Variants in ERBB4 observed in about 807,000 individuals in gnomAD.
ERBB4 encodes erb-b2 receptor tyrosine kinase 4.
ERBB4 carries 42 observed loss-of-function variants against 158.0 expected under a neutral mutation model. The ratio of observed to expected loss-of-function variants is 0.27; its 90% CI spans 0.21 to 0.34. The LOEUF (loss-of-function observed/expected upper bound fraction) is 0.34. Ranked by LOEUF, ERBB4 falls within the 10% of genes least tolerant of loss-of-function variation. The pLI is 1.00. For synonymous variants in ERBB4, 583 were observed against 558.7 expected (o/e 1.04, Z -0.61); for missense variants, 1,333 against 1,624.1 (o/e 0.82, Z 3.08).
At chr2:212,060,221 A>T (rs1292707531) in intron 2 of ERBB4, among the ~76,000 whole-genome samples, 1 of 152,184 alleles carries the variant, frequency 6.6e-6, no homozygotes, top group East Asian at 1.9e-4. Context: ...GCTCATCATG[A>T]CTGGCCATCA....
chr2:211,718,178 T>C (rs764283800), intron 7 of ERBB4, among the ~76,000 whole-genome samples: 3 of 152,060 alleles, frequency 2.0e-5, no homozygotes, highest in Non-Finnish European at 4.4e-5. Flanking sequence ...TTCCAAAGTG[T>C]TGGGATTACA....
chr2:211,416,813 C>CT lies in ERBB4; in HGVS notation c.3135+3627dup, dbSNP rs60021795. ...AATGAGGGCATAGATGAAGCCTTCC[C>CT]TTTTTTTTTTTTTTTTTAACCCTAC... On this transcript the variant is annotated intron_variant, in intron 25 of 27. Transcript: ENST00000342788. 5.7e-3 allele frequency among the ~76,000 whole-genome samples: 813 copies of CT among 142,124 alleles called. 4 individuals carry two copies. Among genetic ancestry groups the CT allele is most frequent in the East Asian group, 0.013 (65 of 4,868 alleles). 93.2% of individuals were successfully genotyped at this position (142,124 alleles called of 152,430 possible).
intron 1 of ERBB4, among the ~76,000 whole-genome samples, chr2:212,512,277 T>TA (rs1318587422): frequency 6.6e-6 from 1 of 152,002 alleles, no homozygotes; most frequent in Non-Finnish European, 1.5e-5. Flanking sequence ...ACTCTTTATA[T>TA]AAGTACTTAA....
At chr2:212,167,603 G>A (rs2081386891) in intron 1 of ERBB4, among the ~76,000 whole-genome samples, 1 of 151,990 alleles carries the variant, frequency 6.6e-6, no homozygotes, top group Admixed American at 6.6e-5. Context: ...TATACCCAAA[G>A]GATTATAAAT....
chr2:211,601,151 G>T (rs1459411794), intron 19 of ERBB4, among the ~76,000 whole-genome samples: 1 of 152,014 alleles, frequency 6.6e-6, no homozygotes, highest in Non-Finnish European at 1.5e-5. Flanking sequence ...AAAGAAAAAT[G>T]ATGACAAGAA....
chr2:211,677,531 C>T (rs1388549180), intron 13 of ERBB4, among the ~76,000 whole-genome samples: 1 of 149,336 alleles, frequency 6.7e-6, no homozygotes, highest in Non-Finnish European at 1.5e-5. Context: ...CCATTGCACT[C>T]CAGCCTGGGC....
At chr2:211,949,131 G>GATGA (rs2080800084) in intron 2 of ERBB4, among the ~76,000 whole-genome samples, 4 of 151,922 alleles carry the variant, frequency 2.6e-5, no homozygotes. Flanking sequence ...TACCTCTTAC[G>GATGA]TCATCCATGG....
chr2:211,485,355 C>T (rs573921138), intron 20 of ERBB4, among the ~76,000 whole-genome samples: 64 of 152,206 alleles, frequency 4.2e-4, no homozygotes, highest in African/African-American at 1.5e-3. Flanking sequence ...CTGTCATTAA[C>T]CTTGTTCGTT....
chr2:212,383,738 G>C (rs934190253), intron 1 of ERBB4, among the ~76,000 whole-genome samples: 2 of 151,612 alleles, frequency 1.3e-5, no homozygotes, highest in Non-Finnish European at 3.0e-5. Context: ...TAGTAGTTGG[G>C]AAGCACAATT....
chr2:212,361,926 A>C (rs890883693), intron 1 of ERBB4, among the ~76,000 whole-genome samples: 9 of 151,690 alleles, frequency 5.9e-5, no homozygotes, highest in Non-Finnish European at 5.9e-5. Context: ...ATTTTAATAG[A>C]CAATATAATA....
Position 211,804,417 on chromosome 2 carries a change from T to C in ERBB4, c.422-16258A>G, listed in dbSNP as rs142302831. On this transcript the variant is annotated intron_variant, in intron 3 of 27. Coordinates refer to ENST00000342788, the MANE Select transcript of ERBB4 (RefSeq NM_005235.3). ...AATTTTCAACCTGCTTATTTCATAATGCTGAATGGTCTTCTACTTGTTCTT... is the reference window on the plus strand; with the variant it reads ...AATTTTCAACCTGCTTATTTCATAACGCTGAATGGTCTTCTACTTGTTCTT... 5.6e-4 allele frequency among the ~76,000 whole-genome samples: 86 copies of C among 152,304 alleles called. No homozygotes were observed. The Middle Eastern group carries it at 0.01, about 18-fold the overall frequency.
At chr2:212,524,957 C>A (rs1034667334) in intron 1 of ERBB4, among the ~76,000 whole-genome samples, 5 of 151,968 alleles carry the variant, frequency 3.3e-5, no homozygotes, top group Non-Finnish European at 7.4e-5. Flanking sequence ...CATTGTGCCA[C>A]GTATTAACTC....
chr2:211,558,105 C>T (rs2067288045), intron 20 of ERBB4, among the ~76,000 whole-genome samples: 1 of 152,080 alleles, frequency 6.6e-6, no homozygotes, highest in Non-Finnish European at 1.5e-5. Flanking sequence ...CTAGGGCCTA[C>T]CTTAGGGTGA....
chr2:212,350,287 G>T (rs1560086627), intron 1 of ERBB4, among the ~76,000 whole-genome samples: 1 of 152,038 alleles, frequency 6.6e-6, no homozygotes, highest in Non-Finnish European at 1.5e-5. Flanking sequence ...AAGAATTTGG[G>T]CTAAGACCTT....
intron 2 of ERBB4, among the ~76,000 whole-genome samples, chr2:212,093,918 T>A (rs1399102331): frequency 6.6e-6 from 1 of 152,160 alleles, no homozygotes; most frequent in African/African-American, 2.4e-5. Flanking sequence ...GTTATCACGC[T>A]GTTACTGAAT....
chr2:212,405,406 C>CT (rs1386213621), intron 1 of ERBB4, among the ~76,000 whole-genome samples: 1 of 152,028 alleles, frequency 6.6e-6, no homozygotes, highest in Non-Finnish European at 1.5e-5. Flanking sequence ...ACTAGTTCAA[C>CT]TATGTGGAAA....
At chr2:212,366,365 G>T (rs2089889728) in intron 1 of ERBB4, among the ~76,000 whole-genome samples, 1 of 151,932 alleles carries the variant, frequency 6.6e-6, no homozygotes, top group Admixed American at 6.6e-5. Context: ...TCATTGGACT[G>T]CTTACACATC....
At chr2:211,962,258 T>G (rs839500) in intron 2 of ERBB4, among the ~76,000 whole-genome samples, 61,854 of 152,068 alleles carry the variant, frequency 0.41, 14,448 homozygotes, top group African/African-American at 0.64. Context: ...TTCACATCTC[T>G]CCAATTGATA....
intron 1 of ERBB4, among the ~76,000 whole-genome samples, chr2:212,463,633 AATT>A (rs1412353154): frequency 3.3e-5 from 5 of 152,088 alleles, no homozygotes; most frequent in African/African-American, 1.2e-4. Flanking sequence ...AGAAGACTGA[AATT>A]ATTATTCTGC....
Sources: gnomAD v4.1 joint callset for allele counts (sites outside exome capture counted in the v4.1 genomes callset) on GRCh38, gnomAD v4.1.1 for gene constraint, MANE v1.5 for transcripts, NCBI Gene and HGNC (gene_info 2026-07-23, HGNC 2026-07-21) for gene names.